GPC6: variants seen among roughly 807,000 people sequenced by gnomAD.
GPC6 encodes the protein glypican-6.
GPC6 carries 14 observed loss-of-function variants against 55.2 expected under a neutral mutation model. The observed-to-expected ratio is 0.25, with a 90% CI of 0.17 to 0.40. GPC6 has a LOEUF of 0.40. Ranked by LOEUF, GPC6 falls within the 10% of genes least tolerant of loss-of-function variation. The probability of loss-of-function intolerance (pLI) is 1.00; values close to 1 mark genes in which losing one functional copy is unlikely to be tolerated. For synonymous variants in GPC6, 278 were observed against 259.6 expected (o/e 1.07, Z -0.68); for missense variants, 641 against 708.5 (o/e 0.90, Z 1.08).
At chr13:93,975,759 A>T (rs914783426) in intron 3 of GPC6, among the ~76,000 whole-genome samples, 1 of 152,104 alleles carries the variant, frequency 6.6e-6, no homozygotes, top group African/African-American at 2.4e-5. Flanking sequence ...AATGCCATTT[A>T]CATATTTCTC....
intron 1 of GPC6, among the ~76,000 whole-genome samples, chr13:93,341,691 G>A (rs536559628): frequency 0.018 from 2,391 of 135,774 alleles, 53 homozygotes; most frequent in African/African-American, 0.059. Context: ...TGTTTACTCC[G>A]CTGCTTTTTT....
At chr13:93,677,988 T>TTAA (rs1254533214) in intron 2 of GPC6, among the ~76,000 whole-genome samples, 2 of 152,086 alleles carry the variant, frequency 1.3e-5, no homozygotes, top group Non-Finnish European at 2.9e-5. Context: ...TACTAAAAGG[T>TTAA]ATAAAGAGAA....
intron 2 of GPC6, among the ~76,000 whole-genome samples, chr13:93,769,064 TA>T (rs1247703748): frequency 2.6e-5 from 4 of 152,176 alleles, no homozygotes; most frequent in Non-Finnish European, 5.9e-5. Flanking sequence ...AAGAAGTTTC[TA>T]AATTCTGTAA....
At chr13:94,173,332 G>T (rs1888637078) in intron 4 of GPC6, among the ~76,000 whole-genome samples, 1 of 152,140 alleles carries the variant, frequency 6.6e-6, no homozygotes, top group Admixed American at 6.5e-5. Flanking sequence ...TTACTATTCA[G>T]CATAGCTCTT....
chr13:93,289,018 A>G (rs9523999), intron 1 of GPC6, among the ~76,000 whole-genome samples: 5,753 of 152,294 alleles, frequency 0.038, 145 homozygotes, highest in Non-Finnish European at 0.06. Context: ...TCTTTTCACT[A>G]TGTGGGGAAG....
intron 2 of GPC6, among the ~76,000 whole-genome samples, chr13:93,606,618 T>C (rs1400455557): frequency 6.6e-6 from 1 of 152,200 alleles, no homozygotes; most frequent in Non-Finnish European, 1.5e-5. Flanking sequence ...GTCTGCCCTT[T>C]GAAGTTATGA....
At chr13:94,054,967 T>C (rs534882640) in intron 4 of GPC6, among the ~76,000 whole-genome samples, 13 of 152,192 alleles carry the variant, frequency 8.5e-5, no homozygotes, top group African/African-American at 3.1e-4. Flanking sequence ...CCTAAAAAAA[T>C]CCCCATTCCA....
intron 6 of GPC6, among the ~76,000 whole-genome samples, chr13:94,372,909 G>A (rs1879643198): frequency 2.1e-5 from 3 of 141,790 alleles, no homozygotes; most frequent in Admixed American, 6.9e-5. Flanking sequence ...CCTGACCCCT[G>A]ACCCCCAAGC....
intron 1 of GPC6, among the ~76,000 whole-genome samples, chr13:93,247,431 T>G (rs1876641824): frequency 6.6e-6 from 1 of 152,216 alleles, no homozygotes; most frequent in African/African-American, 2.4e-5. Context: ...ATATTTGCCT[T>G]GAACTTGAGA....
intron 2 of GPC6, among the ~76,000 whole-genome samples, chr13:93,707,762 T>C (rs962880810): frequency 6.6e-6 from 1 of 151,870 alleles, no homozygotes; most frequent in African/African-American, 2.4e-5. Context: ...GTAACACATT[T>C]AAGGATTATA....
intron 1 of GPC6, among the ~76,000 whole-genome samples, chr13:93,372,447 A>C (rs1293218452): frequency 6.6e-6 from 1 of 152,194 alleles, no homozygotes; most frequent in Non-Finnish European, 1.5e-5. Flanking sequence ...TCTACTTGTT[A>C]TTGATACATA....
At chr13:94,347,952 G>T (rs1029227109) in intron 6 of GPC6, among the ~76,000 whole-genome samples, 4 of 152,242 alleles carry the variant, frequency 2.6e-5, no homozygotes, top group African/African-American at 9.6e-5. Context: ...AAAGCATGCG[G>T]ACAGCATCTA....
At chr13:93,743,570 T>C (rs1160167146) in intron 2 of GPC6, among the ~76,000 whole-genome samples, 1 of 152,108 alleles carries the variant, frequency 6.6e-6, no homozygotes, top group African/African-American at 2.4e-5. Context: ...TTTAAAAAAA[T>C]TTAAATTTGC....
chr13:93,384,085 C>A (rs1875293841), intron 1 of GPC6, among the ~76,000 whole-genome samples: 1 of 152,036 alleles, frequency 6.6e-6, no homozygotes, highest in South Asian at 2.1e-4. Context: ...CATACATCAA[C>A]TAATTGAGAA....
chr13:93,932,459 T>C (rs1878225445), intron 3 of GPC6, among the ~76,000 whole-genome samples: 1 of 152,170 alleles, frequency 6.6e-6, no homozygotes. Context: ...AAAAGGAAGA[T>C]TGCCATTAGC....
At chr13:94,090,810 G>C (rs1003322736) in intron 4 of GPC6, among the ~76,000 whole-genome samples, 3 of 152,106 alleles carry the variant, frequency 2.0e-5, no homozygotes, top group African/African-American at 4.8e-5. Flanking sequence ...GACCCCAGCT[G>C]TCTGTCTCTA....
At chr13:94,043,240 C>A (rs1376492577) in intron 4 of GPC6, among the ~76,000 whole-genome samples, 2 of 151,812 alleles carry the variant, frequency 1.3e-5, no homozygotes, top group South Asian at 2.1e-4. Context: ...GGGCACTAGA[C>A]GTGCTCGATG....
chr13:94,299,652 G>T (rs531379905), intron 5 of GPC6, among the ~76,000 whole-genome samples: 1 of 152,184 alleles, frequency 6.6e-6, no homozygotes, highest in Non-Finnish European at 1.5e-5. Context: ...GAGGGCCCTC[G>T]CCAGATACCA....
At chr13:94,009,555 C>A (rs1015771177) in intron 3 of GPC6, among the ~76,000 whole-genome samples, 2 of 152,098 alleles carry the variant, frequency 1.3e-5, no homozygotes, top group Non-Finnish European at 2.9e-5. Context: ...AATAGATGAC[C>A]TTGACAGTAG....
Sources: gnomAD v4.1 joint callset for allele counts (sites outside exome capture counted in the v4.1 genomes callset) on GRCh38, gnomAD v4.1.1 for gene constraint, MANE v1.5 for transcripts, NCBI Gene and HGNC (gene_info 2026-07-23, HGNC 2026-07-21) for gene names.